PTPN14: variants seen among roughly 807,000 people sequenced by gnomAD.
PTPN14 encodes the protein tyrosine-protein phosphatase non-receptor type 14.
Under a neutral mutation model 126.8 loss-of-function variants are expected in PTPN14, and 53 were observed. That is an observed-to-expected ratio of 0.42 (90% CI 0.34 to 0.53). PTPN14 has a LOEUF of 0.53. Among genes scored for constraint, PTPN14 ranks in the 20% least tolerant of loss-of-function variants. The pLI is 0.08. For missense variants in PTPN14, 1,257 were observed against 1,552.9 expected, an observed-to-expected ratio of 0.81 and a Z score of 3.20; for synonymous variants, 630 against 599.3, an observed-to-expected ratio of 1.05 and a Z score of -0.75.
intron 2 of PTPN14, among the ~76,000 whole-genome samples, chr1:214,456,915 T>C (rs573116220): frequency 4.0e-4 from 61 of 152,368 alleles, no homozygotes; most frequent in Middle Eastern, 6.8e-3. Context: ...GCATTGATTA[T>C]TTTAATCCTT....
In PTPN14 at chr1:214,540,724, G is replaced by A. The variant is rs569021593; in HGVS notation, c.-155+10459C>T. On this transcript the variant is annotated intron_variant, in intron 1 of 18. Coordinates refer to ENST00000366956, the MANE Select transcript of PTPN14 (RefSeq NM_005401.5). ...GGGGAAAAGAAAGGACGAGGAGCGT[G>A]AACAGCTATTTATTTATTTAAAAAA... is the stretch of plus-strand genomic sequence containing the variant. Among the ~76,000 whole-genome samples, 11 of 152,010 alleles carry A rather than the reference G, an allele frequency of 7.2e-5. No homozygotes were observed. In the South Asian group the frequency reaches 2.3e-3, roughly 32 times the overall value.
In PTPN14 at chr1:214,459,278, G is replaced by C. The variant is rs913902976; in HGVS notation, c.174+5352C>G. 1.0e-4 allele frequency among the ~76,000 whole-genome samples: 15 copies of C among 150,282 alleles called. 1 individual carries two copies. The highest frequency in any genetic ancestry group is 2.7e-4 in the African/African-American group (11 of 40,720). ...AGCGATTCTCCTGCCTCAGCCTCCT[G>C]AGTGGCTGGGATTACAGGCATGCAC... On this transcript the variant is annotated intron_variant, in intron 2 of 18. Coordinates refer to ENST00000366956, the MANE Select transcript of PTPN14 (RefSeq NM_005401.5).
At chr1:214,412,834 AG>A in intron 4 of PTPN14, among the ~76,000 whole-genome samples, 1 of 152,168 alleles carries the variant, frequency 6.6e-6, no homozygotes, top group East Asian at 1.9e-4. Context: ...GAGTAGTGAG[AG>A]GAAAGAGTAC....
intron 1 of PTPN14, among the ~76,000 whole-genome samples, chr1:214,520,065 A>AAAAAAAAAAAAAATATATATAT: frequency 1.2e-3 from 86 of 71,032 alleles, no homozygotes; most frequent in Middle Eastern, 0.011. Flanking sequence ...AAAAAAAAAA[A>AAAAAAAAAAAAAATATATATAT]ATATATATAT....
At chr1:214,398,025 C>T (rs766484178) in intron 7 of PTPN14, 24 bp from the exon 8 acceptor site, 2 of 1,544,094 alleles carry the variant, frequency 1.3e-6, no homozygotes, top group Non-Finnish European at 1.8e-6. Flanking sequence ...ACAAAAGATA[C>T]TTGTGATGAC....
chr1:214,402,458 A>AAAAAAAAAAAAAAAAAAAAAAC (rs1178695090), intron 6 of PTPN14, among the ~76,000 whole-genome samples: 1 of 141,250 alleles, frequency 7.1e-6, no homozygotes, highest in African/African-American at 2.7e-5. Flanking sequence ...AAAAAAAAAA[A>AAAAAAAAAAAAAAAAAAAAAAC]AGCCACGATG....
At position 214,417,828 on chromosome 1, in the gene PTPN14, C is replaced by A. The variant is rs533633255; in HGVS notation, c.345-3102G>T. 5.9e-5 allele frequency among the ~76,000 whole-genome samples: 9 copies of A among 152,262 alleles called. No homozygotes were observed. In the East Asian group the frequency reaches 1.5e-3, roughly 26 times the overall value. On this transcript the variant is annotated intron_variant, in intron 3 of 18. Transcript: ENST00000366956. ...TTAAAATATTTCACCCACCCCTCCC[C>A]ACAAGTGAAATCTTCATTCCAAGTC...
chr1:214,518,399 T>C (rs745710377), intron 1 of PTPN14, among the ~76,000 whole-genome samples: 3 of 152,236 alleles, frequency 2.0e-5, no homozygotes, highest in Non-Finnish European at 4.4e-5. Flanking sequence ...ATTTTTCACA[T>C]CTTCATTTCA....
intron 1 of PTPN14, among the ~76,000 whole-genome samples, chr1:214,487,511 A>G (rs1661141214): frequency 6.6e-6 from 1 of 152,022 alleles, no homozygotes; most frequent in Non-Finnish European, 1.5e-5. Flanking sequence ...CTGTAATCCC[A>G]GTTGCTCAGG....
intron 13 of PTPN14, 137 bp from the exon 14 acceptor site, chr1:214,378,239 A>G: frequency 2.5e-6 from 3 of 1,189,834 alleles, no homozygotes; most frequent in South Asian, 3.3e-5. Context: ...ATTCAAACAC[A>G]GCCTTCCCAC....
chr1:214,500,658 C>T (rs1654661738), intron 1 of PTPN14, among the ~76,000 whole-genome samples: 1 of 152,056 alleles, frequency 6.6e-6, no homozygotes, highest in African/African-American at 2.4e-5. Flanking sequence ...ACAGGTTTCA[C>T]CAGATTTTAA....
At chr1:214,394,082 C>T (rs1658821286) in intron 9 of PTPN14, among the ~76,000 whole-genome samples, 1 of 152,218 alleles carries the variant, frequency 6.6e-6, no homozygotes, top group Admixed American at 6.5e-5. Flanking sequence ...AAATAAATAA[C>T]TGAATCAAGG....
chr1:214,535,651 T>C (rs1279939546), intron 1 of PTPN14, among the ~76,000 whole-genome samples: 1 of 152,042 alleles, frequency 6.6e-6, no homozygotes, highest in African/African-American at 2.4e-5. Flanking sequence ...TGGTGGCGCA[T>C]GCCGGTAATC....
intron 3 of PTPN14, among the ~76,000 whole-genome samples, chr1:214,415,340 T>C (rs1659401900): frequency 1.3e-5 from 2 of 152,210 alleles, no homozygotes; most frequent in South Asian, 2.1e-4. Context: ...ACTAGACAAG[T>C]GCCCTCAGGA....
At chr1:214,405,584 C>A (rs1659146204) in intron 5 of PTPN14, among the ~76,000 whole-genome samples, 1 of 151,196 alleles carries the variant, frequency 6.6e-6, no homozygotes, top group East Asian at 1.9e-4. Context: ...TCTGCCTGCA[C>A]TCTGTCTGCT....
At chr1:214,452,185 C>G (rs1440006610) in intron 2 of PTPN14, among the ~76,000 whole-genome samples, 2 of 152,220 alleles carry the variant, frequency 1.3e-5, no homozygotes, top group African/African-American at 4.8e-5. Flanking sequence ...TGCAGTATCC[C>G]TACTCATTAC....
intron 1 of PTPN14, among the ~76,000 whole-genome samples, chr1:214,547,946 G>T (rs1656013161): frequency 6.6e-6 from 1 of 151,406 alleles, no homozygotes; most frequent in Admixed American, 6.6e-5. Flanking sequence ...AGCTTTATGT[G>T]TATGTTGACA....
chr1:214,455,624 C>T (rs1323145268), intron 2 of PTPN14, among the ~76,000 whole-genome samples: 10 of 152,154 alleles, frequency 6.6e-5, no homozygotes, highest in Admixed American at 3.9e-4. Context: ...GACACAAGAA[C>T]CACATCCCTG....
At chr1:214,360,383 TAAGAA>T (rs934389244) in intron 18 of PTPN14, among the ~76,000 whole-genome samples, 3 of 151,822 alleles carry the variant, frequency 2.0e-5, no homozygotes, top group South Asian at 4.2e-4. Flanking sequence ...CCCTGCCTAA[TAAGAA>T]AAGAAAAAAA....
Sources: allele counts gnomAD v4.1 joint callset (sites outside exome capture counted in the v4.1 genomes callset), GRCh38; gene constraint gnomAD v4.1.1; transcripts MANE v1.5; gene names NCBI Gene and HGNC (gene_info 2026-07-23, HGNC 2026-07-21).